The following HK1 variants were observed in gnomAD, a reference collection of about 807,000 sequenced individuals.
The protein encoded by HK1 is hexokinase-1.
A neutral mutation model predicts 91.6 loss-of-function variants in HK1; 28 were observed. The ratio of observed to expected loss-of-function variants is 0.31; its 90% confidence interval spans 0.23 to 0.42. The LOEUF (loss-of-function observed/expected upper bound fraction) is 0.42. HK1 is among the 10% of genes least tolerant of loss of function. The pLI is 1.00. For missense variants in HK1, 770 were observed against 1,219.8 expected (o/e 0.63, Z 5.49); for synonymous variants, 430 against 468.1 (o/e 0.92, Z 1.05).
At position 69,389,211 on chromosome 10, in the gene HK1, C is replaced by A; in HGVS notation, c.1950C>A (p.Asp650Glu). ...AIKRREEFDL[D>E]VVAVVNDTVG... ...TCTTTGCAAAGGAATTTGACCTGGA[C>A]GTGGTGGCTGTGGTCAACGACACAG... Residue 650 changes from aspartate (D) to glutamate (E), a missense_variant, in exon 14 of 18, where the codon GAC (aspartate) becomes GAA (glutamate). Physicochemically the swap from Asp to Glu is conservative, Grantham distance 45. Transcript: ENST00000359426. The A allele has an allele frequency of 6.2e-7, 1 of 1,613,804 alleles. No homozygotes were observed. The highest frequency in any genetic ancestry group is 8.5e-7 in the Non-Finnish European group (1 of 1,179,726).
upstream of HK1, among the ~76,000 whole-genome samples, chr10:69,316,176 C>A (rs10998713): frequency 3.9e-5 from 6 of 152,056 alleles, no homozygotes; most frequent in Non-Finnish European, 8.8e-5. Context: ...GGGAAGTGGC[C>A]TTGTTGCGGC....
At chr10:69,293,855 CTTTTTTTT>C (rs34434447) in intron 3 of HK1, among the ~76,000 whole-genome samples, 1 of 98,982 alleles carries the variant, frequency 1.0e-5, no homozygotes, top group African/African-American at 4.1e-5. Context: ...ATATTTCTTT[CTTTTTTTT>C]TTTTTTTTTT....
At chr10:69,317,344 C>T (rs2132556530), upstream of HK1, among the ~76,000 whole-genome samples, 1 of 152,300 alleles carries the variant, frequency 6.6e-6, no homozygotes, top group East Asian at 1.9e-4. Context: ...AGATGCCCCT[C>T]TGCATAGGCC....
At position 69,369,570 on chromosome 10, in the gene HK1, G is replaced by A. The variant is rs1017506510; in HGVS notation, c.821G>A (p.Arg274Gln). The A allele has an allele frequency of 8.7e-6, 14 of 1,614,056 alleles. No homozygotes were observed. Among genetic ancestry groups the A allele is most frequent in the Admixed American group, 3.3e-5 (2 of 60,002 alleles). The change falls in exon 7 of 18, where the codon CGG becomes CAG. Residue 274 changes from arginine (R) to glutamine (Q), a missense_variant. Arg to Gln is a conservative substitution (Grantham distance 43). Around this residue, in one of 7 missense-constraint regions of HK1, gnomAD observed 449 missense variants for 665.1 expected, o/e 0.68. Coordinates refer to ENST00000359426, the MANE Select transcript of HK1 (RefSeq NM_000188.3). This position sits in a 1 kb window ranked among gnomAD's most constrained non-coding sequence, Gnocchi z 4.4. Reference sequence around the variant, plus strand: ...GACGATGGATCATTAGAAGACATCCGGACAGAGTTTGACAGGGAGATAGAC... The same window carrying A: ...GACGATGGATCATTAGAAGACATCCAGACAGAGTTTGACAGGGAGATAGAC... ...FGDDGSLEDI[R>Q]TEFDREIDRG...
intron 5 of HK1, among the ~76,000 whole-genome samples, chr10:69,301,573 CAAAAAAAAAA>C (rs3086649): frequency 1.2e-5 from 1 of 80,806 alleles, no homozygotes; most frequent in Non-Finnish European, 2.3e-5. Context: ...GACTCTGTCT[CAAAAAAAAAA>C]AAAAAAAAAA....
chr10:69,313,820 A>AT (rs942208172), upstream of HK1, among the ~76,000 whole-genome samples: 78 of 151,424 alleles, frequency 5.2e-4, no homozygotes, highest in African/African-American at 1.7e-3. Flanking sequence ...AAATTTCTTA[A>AT]TTTTTTTTTA....
intron 4 of HK1, among the ~76,000 whole-genome samples, chr10:69,365,807 C>G (rs748882595): frequency 2.6e-5 from 4 of 152,162 alleles, no homozygotes; most frequent in Non-Finnish European, 5.9e-5. Flanking sequence ...GCACCCCAAC[C>G]TGGGGGACAG....
At chr10:69,336,343 C>T (rs1847981099) in intron 1 of HK1, among the ~76,000 whole-genome samples, 1 of 151,874 alleles carries the variant, frequency 6.6e-6, no homozygotes, top group Admixed American at 6.6e-5. Flanking sequence ...AGGCATGTGC[C>T]ACCAGGCCTG....
chr10:69,360,863 C>G (rs761491861), intron 3 of HK1, among the ~76,000 whole-genome samples: 1 of 152,246 alleles, frequency 6.6e-6, no homozygotes, highest in Non-Finnish European at 1.5e-5. Flanking sequence ...CTCCTGTAGA[C>G]ATTCTGGCTC....
rs201942787 is a variant in HK1, at chr10:69,379,827, C to A, written c.1032-35C>A. ...AGTGCTTTGCACTGCCTCATGTGGT[C>A]CTCAGTGCATCAGTATTGGCTTCTA... On this transcript the variant is annotated intron_variant, in intron 8 of 17. Coordinates refer to ENST00000359426, the MANE Select transcript of HK1 (RefSeq NM_000188.3). 73 of 1,428,676 alleles carry A rather than the reference C, an allele frequency of 5.1e-5. No homozygotes were observed. The Admixed American group carries it at 1.1e-3, about 22-fold the overall frequency. The allele number at this position is 1,428,676 out of a possible 1,614,324, so 88.5% of individuals were successfully genotyped here. A position where few individuals can be genotyped will look rare whatever the true frequency, so the allele number is the denominator to read the frequency against.
At chr10:69,351,704 G>T (rs1848885572) in intron 2 of HK1, among the ~76,000 whole-genome samples, 1 of 152,134 alleles carries the variant, frequency 6.6e-6, no homozygotes, top group Admixed American at 6.6e-5. Flanking sequence ...ATACATTATG[G>T]CTTCGGATTC....
At chr10:69,356,827 G>C (rs924964538) in intron 2 of HK1, among the ~76,000 whole-genome samples, 1 of 141,200 alleles carries the variant, frequency 7.1e-6, no homozygotes, top group African/African-American at 2.7e-5. Context: ...AGGTTGCAGT[G>C]AGTCGAGATT....
At chr10:69,384,625 C>G in intron 11 of HK1, 144 bp downstream of exon 11, 2 of 1,412,068 alleles carry the variant, frequency 1.4e-6, no homozygotes, top group Non-Finnish European at 2.0e-6. Context: ...TTTTGCCATG[C>G]CTGGCTTGTG....
intron 2 of HK1, among the ~76,000 whole-genome samples, chr10:69,346,522 T>C (rs533307055): frequency 2.0e-5 from 3 of 152,190 alleles, no homozygotes; most frequent in Middle Eastern, 3.4e-3. Flanking sequence ...TTTTTTTTAA[T>C]GGGCAGTGAG....
intron 13 of HK1, among the ~76,000 whole-genome samples, chr10:69,387,513 C>G (rs1177757823): frequency 6.7e-6 from 1 of 149,932 alleles, no homozygotes; most frequent in Non-Finnish European, 1.5e-5. Context: ...TCTCCAACTC[C>G]TGGGCTCAAG....
At chr10:69,297,909 GA>G (rs1321611599) in intron 4 of HK1, among the ~76,000 whole-genome samples, 3 of 133,196 alleles carry the variant, frequency 2.3e-5, no homozygotes, top group East Asian at 2.3e-4. Flanking sequence ...AAAAAAAAAA[GA>G]AAAAAAAGTG....
At chr10:69,351,527 CA>C (rs370984801) in intron 2 of HK1, among the ~76,000 whole-genome samples, 2 of 151,216 alleles carry the variant, frequency 1.3e-5, no homozygotes, top group African/African-American at 2.4e-5. Flanking sequence ...AAAACAAAAA[CA>C]AAAAAAACAA....
intron 1 of HK1, among the ~76,000 whole-genome samples, chr10:69,330,550 T>C (rs1236654418): frequency 6.6e-6 from 1 of 152,116 alleles, no homozygotes; most frequent in Non-Finnish European, 1.5e-5. Flanking sequence ...TCCAAAGCCA[T>C]TGATGGGGTT....
At chr10:69,390,757 G>A (rs1839862570) in intron 14 of HK1, among the ~76,000 whole-genome samples, 1 of 152,220 alleles carries the variant, frequency 6.6e-6, no homozygotes, top group African/African-American at 2.4e-5. Flanking sequence ...CATCCTGGGA[G>A]CTTGTTAGAG....
Sources: gnomAD v4.1 joint callset for allele counts (sites outside exome capture counted in the v4.1 genomes callset) on GRCh38, gnomAD v4.1.1 for gene constraint, gnomAD v4.1.1 regional missense constraint, Gnocchi (gnomAD v3.1) non-coding constraint, MANE v1.5 for transcripts, NCBI Gene and HGNC (gene_info 2026-07-23, HGNC 2026-07-21) for gene names.